Variants in BABAM1 observed in about 807,000 individuals in gnomAD.
The protein encoded by BABAM1 is BRISC and BRCA1-A complex member 1.
BABAM1 carries 14 observed loss-of-function variants against 34.4 expected under a neutral mutation model. The ratio of observed to expected loss-of-function variants is 0.41; its 90% confidence interval spans 0.27 to 0.64. The LOEUF is 0.64. Ranked by LOEUF, BABAM1 falls within the 30% of genes least tolerant of loss-of-function variation. BABAM1 has a pLI of 0.34. For missense variants in BABAM1, 393 were observed against 434.0 expected (o/e 0.91, Z 0.84); for synonymous variants, 169 against 165.8 (o/e 1.02, Z -0.15).
intron 2 of BABAM1, among the ~76,000 whole-genome samples, chr19:17,270,848 T>C (rs2073832322): frequency 6.6e-6 from 1 of 151,990 alleles, no homozygotes; most frequent in South Asian, 2.1e-4. Flanking sequence ...CCACCACGCC[T>C]GGCTAATTTT....
At chr19:17,270,240 A>G (rs898704181) in intron 2 of BABAM1, among the ~76,000 whole-genome samples, 2 of 149,474 alleles carry the variant, frequency 1.3e-5, no homozygotes, top group South Asian at 2.1e-4. Context: ...CACTGAGATG[A>G]GGTTTCACCG....
chr19:17,275,848 C>G, intron 6 of BABAM1, 23 bp downstream of exon 6: 1 of 1,607,844 alleles, frequency 6.2e-7, no homozygotes. Flanking sequence ...TGGGGAAATT[C>G]TTATTCACCT....
chr19:17,271,306 T>C (rs1196493822), intron 2 of BABAM1, among the ~76,000 whole-genome samples: 1 of 152,120 alleles, frequency 6.6e-6, no homozygotes, highest in Non-Finnish European at 1.5e-5. Context: ...GGTCACATTC[T>C]CAGGTTCTGG....
chr19:17,270,541 T>C (rs988694345), intron 2 of BABAM1, among the ~76,000 whole-genome samples: 4 of 151,000 alleles, frequency 2.6e-5, no homozygotes, highest in African/African-American at 9.8e-5. Context: ...TTTTTTTTTT[T>C]TTTGAGACGG....
chr19:17,276,814 C>G lies in BABAM1; in HGVS notation c.700-9C>G, dbSNP rs376541002. The G allele has an allele frequency of 1.3e-5, 21 of 1,599,892 alleles. No homozygotes were observed. The highest frequency in any genetic ancestry group is 1.7e-5 in the Non-Finnish European group (20 of 1,173,174). ...CCCCAGAGGCTGGTGTTCTTTACTT[C>G]CCCTGCAGAAAATGTTCCAGTGCCC... On this transcript the variant is annotated splice_polypyrimidine_tract_variant and intron_variant, in intron 7 of 8. Transcript: ENST00000598188.
chr19:17,273,558 T>G (rs1167000336), intron 3 of BABAM1, among the ~76,000 whole-genome samples: 1 of 23,302 alleles, frequency 4.3e-5, no homozygotes, highest in Non-Finnish European at 1.0e-4. Flanking sequence ...TTTTTTTGTT[T>G]GTTTTGTTTT....
intron 8 of BABAM1, chr19:17,277,157 G>A (rs1452115245): frequency 3.0e-5 from 13 of 429,544 alleles, no homozygotes. Flanking sequence ...AACGTTCCCT[G>A]CGTTCCTTTC....
Position 17,273,894 on chromosome 19 carries a change from G to C in BABAM1, c.345-10G>C. The C allele has an allele frequency of 1.3e-6, 2 of 1,599,432 alleles. No individual in the cohort carries two copies. Among genetic ancestry groups the C allele is most frequent in the Non-Finnish European group, 1.7e-6 (2 of 1,173,282 alleles). On this transcript the variant is annotated splice_polypyrimidine_tract_variant and intron_variant, in intron 3 of 8. Coordinates refer to ENST00000598188, the MANE Select transcript of BABAM1 (RefSeq NM_014173.4). ...GAACCTTAATTCCCCTGTACTCTCT[G>C]CCTCCCCAGCTCCAAAACCAACGCC...
chr19:17,276,477 C>T lies in BABAM1; in HGVS notation c.570-18C>T. On this transcript the variant is annotated intron_variant, in intron 6 of 8. Transcript: ENST00000598188. ...CCCCACAGGCTGCTCTGACTGCTCC[C>T]TCCTCCCGGGTATGCAGCCAGCAGA... 1 of 1,584,844 alleles carries T rather than the reference C, an allele frequency of 6.3e-7. No homozygotes were observed. The highest frequency in any genetic ancestry group is 1.2e-5 in the South Asian group (1 of 86,594).
At chr19:17,274,966 T>C (rs1418144102) in intron 5 of BABAM1, among the ~76,000 whole-genome samples, 1 of 152,100 alleles carries the variant, frequency 6.6e-6, no homozygotes, top group African/African-American at 2.4e-5. Flanking sequence ...AGTGCAGTGA[T>C]GCGATCTTGG....
chr19:17,273,564 G>GTTGT, intron 3 of BABAM1, among the ~76,000 whole-genome samples: 1 of 45,940 alleles, frequency 2.2e-5, no homozygotes, highest in Admixed American at 2.5e-4. Flanking sequence ...TGTTTGTTTT[G>GTTGT]TTTTTTTTTT....
At chr19:17,274,430 T>C (rs2073884260) in intron 5 of BABAM1, 1 of 535,738 alleles carries the variant, frequency 1.9e-6, no homozygotes, top group East Asian at 3.3e-5. Flanking sequence ...GGTCCGGGCA[T>C]GGTGGTCCAT....
chr19:17,273,552 TTTGTTTG>T lies in BABAM1; in HGVS notation c.345-349_345-343del, dbSNP rs371068593. ...GGAGGGTGGCTGAAGGAAGTTTTTT[TTTGTTTG>T]TTTTGTTTTTTTTTTTTTTTTTGAG... On this transcript the variant is annotated intron_variant, in intron 3 of 8. Transcript: ENST00000598188. 3.8e-3 allele frequency among the ~76,000 whole-genome samples: 47 copies of T among 12,260 alleles called. 1 individual carries two copies. Among genetic ancestry groups the T allele is most frequent in the Middle Eastern group, 0.045 (1 of 22 alleles). The allele number at this position is 12,260 out of a possible 152,430, so 8.0% of individuals were successfully genotyped here.
At position 17,268,849 on chromosome 19, in the gene BABAM1, G is replaced by A; in HGVS notation, c.43G>A (p.Glu15Lys). ...EPSSPTEEEE[E>K]EEEHSAEPRP... ...CAGCAGCCCCACTGAAGAGGAGGAGGAGGAAGAGGAGCACTCGGCAGAGCC... is the reference window on the plus strand; with the variant it reads ...CAGCAGCCCCACTGAAGAGGAGGAGAAGGAAGAGGAGCACTCGGCAGAGCC... The change falls in exon 2 of 9, where the codon GAG becomes AAG. Residue 15 changes from glutamate (E) to lysine (K), a missense_variant. Glu to Lys is a moderately conservative substitution (Grantham distance 56). Coordinates refer to ENST00000598188, the MANE Select transcript of BABAM1 (RefSeq NM_014173.4). 6.2e-7 allele frequency: 1 copy of A among 1,610,312 alleles called. No homozygotes were observed. The highest frequency in any genetic ancestry group is 8.5e-7 in the Non-Finnish European group (1 of 1,178,522).
rs1388131356 is a variant in BABAM1, at chr19:17,268,999, A to G, written c.193A>G (p.Thr65Ala). The G allele has an allele frequency of 6.3e-7, 1 of 1,585,424 alleles. No individual in the cohort carries two copies. Among genetic ancestry groups the G allele is most frequent in the South Asian group, 1.1e-5 (1 of 87,168 alleles). ...CAGTGCTGATGATGGGAGCCTCAACACTTCAGGAGCCGGCCCTAAGTCCTG... is the reference window on the plus strand; with the variant it reads ...CAGTGCTGATGATGGGAGCCTCAACGCTTCAGGAGCCGGCCCTAAGTCCTG... ...AASADDGSLN[T>A]SGAGPKSWQV... Residue 65 changes from threonine (T) to alanine (A), a missense_variant, in exon 2 of 9, where the codon ACT (threonine) becomes GCT (alanine). By Grantham distance (58) the Thr-to-Ala change is moderately conservative. Transcript: ENST00000598188.
At chr19:17,274,048 T>G (rs1599496072) in intron 4 of BABAM1, 24 bp downstream of exon 4, 2 of 1,613,640 alleles carry the variant, frequency 1.2e-6, no homozygotes, top group African/African-American at 2.7e-5. Context: ...AGGCGCTGGG[T>G]GCCCTGGGGT....
intron 3 of BABAM1, 37 bp from the exon 4 acceptor site, chr19:17,273,867 G>T: frequency 6.4e-7 from 1 of 1,566,182 alleles, no homozygotes; most frequent in South Asian, 1.2e-5. Flanking sequence ...CCGGCCCTGA[G>T]GGAACCTTAA....
In BABAM1 at chr19:17,275,965, T is replaced by C. The variant is rs866092208; in HGVS notation, c.569+140T>C. 3.2e-6 allele frequency: 3 copies of C among 950,640 alleles called. No homozygotes were observed. The Middle Eastern group carries it at 7.4e-4, about 235-fold the overall frequency. The allele number at this position is 950,640 out of a possible 1,614,324, so 58.9% of individuals were successfully genotyped here. A position where few individuals can be genotyped will look rare whatever the true frequency, so the allele number is the denominator to read the frequency against. On this transcript the variant is annotated intron_variant, in intron 6 of 8. Coordinates refer to ENST00000598188, the MANE Select transcript of BABAM1 (RefSeq NM_014173.4). ...TACCTCGCCCCGAGCAATTCCTCAT[T>C]TATGTGTGTCTTGGGAGCATGGGGG...
chr19:17,274,968 C>T (rs762781930), intron 5 of BABAM1, among the ~76,000 whole-genome samples: 6 of 152,100 alleles, frequency 3.9e-5, no homozygotes, highest in Admixed American at 6.6e-5. Flanking sequence ...TGCAGTGATG[C>T]GATCTTGGCT....
Sources: allele counts gnomAD v4.1 joint callset (sites outside exome capture counted in the v4.1 genomes callset), GRCh38; gene constraint gnomAD v4.1.1; transcripts MANE v1.5; gene names NCBI Gene and HGNC (gene_info 2026-07-23, HGNC 2026-07-21).